HMGCLL1: variants seen among roughly 807,000 people sequenced by gnomAD.
HMGCLL1 encodes 3-hydroxy-3-methylglutaryl-CoA lyase like 1.
Under a neutral mutation model 39.1 loss-of-function variants are expected in HMGCLL1, and 36 were observed. That is an observed-to-expected ratio of 0.92 (90% CI 0.71 to 1.22). HMGCLL1 has a LOEUF of 1.22. Among genes scored for constraint, HMGCLL1 ranks in the 50% most tolerant of loss-of-function variants. HMGCLL1 has a pLI of 0.00. For missense variants in HMGCLL1, 451 were observed against 416.5 expected (o/e 1.08, Z -0.72); for synonymous variants, 149 against 144.0 (o/e 1.03, Z -0.25).
intron 1 of HMGCLL1, among the ~76,000 whole-genome samples, chr6:55,559,949 G>A (rs1441275947): frequency 1.3e-5 from 2 of 152,050 alleles, no homozygotes; most frequent in Non-Finnish European, 2.9e-5. Context: ...AACCTTTAAG[G>A]AAAAAATAAA....
chr6:55,546,949 A>G (rs1234720302), intron 1 of HMGCLL1, among the ~76,000 whole-genome samples: 1 of 152,034 alleles, frequency 6.6e-6, no homozygotes. Flanking sequence ...CTAATGGTTC[A>G]CTTTCATAGA....
chr6:55,518,746 A>T (rs1308532918), intron 3 of HMGCLL1, among the ~76,000 whole-genome samples: 1 of 152,010 alleles, frequency 6.6e-6, no homozygotes, highest in African/African-American at 2.4e-5. Context: ...AGTCAGTGTC[A>T]CCCCCTAAAT....
intron 1 of HMGCLL1, among the ~76,000 whole-genome samples, chr6:55,574,279 G>A (rs1039152912): frequency 9.2e-5 from 14 of 151,558 alleles, no homozygotes; most frequent in African/African-American, 3.4e-4. Context: ...GATGAAGAAA[G>A]GAATAAAAAG....
At chr6:55,594,972 C>A in the HMGCLL1 span, among the ~76,000 whole-genome samples, 9 of 152,138 alleles carry the variant, frequency 5.9e-5, no homozygotes. Context: ...CAGTATAAAT[C>A]TACAACTGTT....
the HMGCLL1 span, among the ~76,000 whole-genome samples, chr6:55,667,037 T>G: frequency 5.3e-5 from 8 of 151,640 alleles, no homozygotes; most frequent in African/African-American, 1.5e-4. Flanking sequence ...CCTTCTTAAC[T>G]TTGAAGAGCA....
intron 7 of HMGCLL1, among the ~76,000 whole-genome samples, chr6:55,485,870 C>A (rs912234020): frequency 6.6e-6 from 1 of 151,518 alleles, no homozygotes. Context: ...CTCTAAAAAC[C>A]CTTGACTTAC....
chr6:55,544,677 G>A (rs1483492357), intron 1 of HMGCLL1, among the ~76,000 whole-genome samples: 1 of 152,132 alleles, frequency 6.6e-6, no homozygotes, highest in Non-Finnish European at 1.5e-5. Context: ...AGGGTCCAGA[G>A]CTGTTATTGG....
intron 1 of HMGCLL1, among the ~76,000 whole-genome samples, chr6:55,542,797 T>C (rs1769530567): frequency 9.0e-6 from 1 of 110,744 alleles, no homozygotes; most frequent in Non-Finnish European, 2.0e-5. Context: ...TATATACCTA[T>C]ATTTATATAT....
chr6:55,471,690 A>T (rs971491314), intron 7 of HMGCLL1, among the ~76,000 whole-genome samples: 37 of 151,494 alleles, frequency 2.4e-4, no homozygotes, highest in Admixed American at 9.9e-4. Flanking sequence ...TTCTTTTTTT[A>T]AAATAAGCTA....
intron 7 of HMGCLL1, among the ~76,000 whole-genome samples, chr6:55,494,727 A>T (rs1383878510): frequency 6.6e-6 from 1 of 152,220 alleles, no homozygotes; most frequent in Non-Finnish European, 1.5e-5. Flanking sequence ...TTCTGAGAAT[A>T]TCAAACAAAT....
chr6:55,669,940 G>GT, the HMGCLL1 span, among the ~76,000 whole-genome samples: 1 of 151,718 alleles, frequency 6.6e-6, no homozygotes, highest in Admixed American at 6.6e-5. Context: ...ATGTGAAAAA[G>GT]TAACAGCTAA....
intron 4 of HMGCLL1, among the ~76,000 whole-genome samples, chr6:55,515,527 T>C (rs900073669): frequency 1.2e-4 from 18 of 152,122 alleles, no homozygotes; most frequent in African/African-American, 4.3e-4. Flanking sequence ...AGGTAAATCC[T>C]TAGCATGATA....
rs1182946930 is a variant in HMGCLL1 at position 55,477,293 on chromosome 6, A to T, written c.795+18126T>A. Among the ~76,000 whole-genome samples the T allele has an allele frequency of 3.0e-3, 27 of 9,068 alleles. 1 individual carries two copies. The highest frequency in any genetic ancestry group is 0.024 in the African/African-American group (17 of 700). 5.9% of individuals were successfully genotyped at this position (9,068 alleles called of 152,430 possible). A position where few individuals can be genotyped will look rare whatever the true frequency, so the allele number is the denominator to read the frequency against. On this transcript the variant is annotated intron_variant, in intron 7 of 8. Transcript: ENST00000274901. Reference sequence around the variant, plus strand: ...AATATATATTATATATTATATATAAAATAATATATATTATATATATAATAT... The same window carrying T: ...AATATATATTATATATTATATATAATATAATATATATTATATATATAATAT...
chr6:55,647,841 C>G, the HMGCLL1 span, among the ~76,000 whole-genome samples: 2 of 114,146 alleles, frequency 1.8e-5, no homozygotes, highest in Non-Finnish European at 3.4e-5. Context: ...CATATGTATA[C>G]ATGTGCCATG....
chr6:55,475,102 T>C (rs1256232772), intron 7 of HMGCLL1, among the ~76,000 whole-genome samples: 1 of 151,560 alleles, frequency 6.6e-6, no homozygotes, highest in Non-Finnish European at 1.5e-5. Flanking sequence ...AACTTTTGTT[T>C]ATCCCTGTGG....
chr6:55,444,764 A>G (rs1053607264), intron 7 of HMGCLL1, among the ~76,000 whole-genome samples: 13 of 152,046 alleles, frequency 8.6e-5, no homozygotes, highest in Non-Finnish European at 7.4e-5. Context: ...GGAAATTTTA[A>G]CCTGTAGTAA....
chr6:55,482,291 A>T (rs1765790950), intron 7 of HMGCLL1, among the ~76,000 whole-genome samples: 1 of 152,160 alleles, frequency 6.6e-6, no homozygotes, highest in Non-Finnish European at 1.5e-5. Flanking sequence ...ATGAGGCAAT[A>T]ATGAATCAGG....
intron 7 of HMGCLL1, among the ~76,000 whole-genome samples, chr6:55,453,662 T>C (rs1388840993): frequency 6.6e-6 from 1 of 152,156 alleles, no homozygotes; most frequent in Non-Finnish European, 1.5e-5. Flanking sequence ...GGAGCAATAA[T>C]TGAGATGGAT....
At chr6:55,491,043 G>A (rs1039679628) in intron 7 of HMGCLL1, among the ~76,000 whole-genome samples, 1 of 152,070 alleles carries the variant, frequency 6.6e-6, no homozygotes, top group Non-Finnish European at 1.5e-5. Flanking sequence ...CACATGTATT[G>A]TTATCAAGGC....
Sources: gnomAD v4.1 joint callset for allele counts (sites outside exome capture counted in the v4.1 genomes callset) on GRCh38, gnomAD v4.1.1 for gene constraint, MANE v1.5 for transcripts, NCBI Gene and HGNC (gene_info 2026-07-23, HGNC 2026-07-21) for gene names.